ZNF573: variants seen among roughly 807,000 people sequenced by gnomAD.
ZNF573 encodes the protein zinc finger protein 573.
In ZNF573, 41 loss-of-function variants were observed where a neutral mutation model predicts 57.4. The observed-to-expected ratio is 0.71, with a 90% CI of 0.56 to 0.93. The LOEUF is 0.93. Ranked by LOEUF, ZNF573 falls within the 40% of genes least tolerant of loss-of-function variation. ZNF573 has a pLI of 0.00. For missense variants in ZNF573, 730 were observed against 794.8 expected (o/e 0.92, Z 0.98); for synonymous variants, 249 against 261.0 (o/e 0.95, Z 0.44).
In ZNF573 at chr19:37,738,347, G is replaced by T; in HGVS notation, c.*145C>A. ...TCAGATATTCCATTAAAACAGGACT[G>T]ACATTGAATGCTTTCTAATGTGGCA... is the stretch of plus-strand genomic sequence containing the variant. On this transcript the variant is annotated 3_prime_UTR_variant, in exon 5 of 5. Coordinates refer to ENST00000536220, the MANE Select transcript of ZNF573 (RefSeq NM_001172690.2). 7.5e-6 allele frequency: 5 copies of T among 668,204 alleles called. No individual in the cohort carries two copies. The highest frequency in any genetic ancestry group is 1.1e-5 in the Non-Finnish European group (5 of 450,842). The allele number at this position is 668,204 out of a possible 1,614,324, so 41.4% of individuals were successfully genotyped here. A position where few individuals can be genotyped will look rare whatever the true frequency, so the allele number is the denominator to read the frequency against.
Position 37,739,279 on chromosome 19 carries a change from T to C in ZNF573, c.1211A>G (p.His404Arg), listed in dbSNP as rs2045297487. Residue 404 changes from histidine to arginine, a missense_variant, in exon 5 of 5, where the codon CAT becomes CGT. Transcript: ENST00000536220. ...TTTCTCGCCAGTATGAGTTTTCTGA[T>C]GTTGAAAGAGTTTTGAACCAGTAGT... ...TYTTGSKLFQ[H>R]QKTHTGEKPY... The C allele has an allele frequency of 4.3e-6, 7 of 1,614,000 alleles. No homozygotes were observed. In the East Asian group the frequency reaches 1.6e-4, roughly 36 times the overall value.
At chr19:37,751,611 A>G (rs977640686) in intron 4 of ZNF573, among the ~76,000 whole-genome samples, 2 of 111,198 alleles carry the variant, frequency 1.8e-5, no homozygotes, top group African/African-American at 7.1e-5. Flanking sequence ...TATACTGTGT[A>G]TATATACAGT....
chr19:37,738,496 A>G lies in ZNF573; in HGVS notation c.1994T>C (p.Val665Ala), dbSNP rs1165526489. ...GCGCTCGTACTCTTTACGGTCTTAC[A>G]CTTTTATGCTCCTATGAATTCTCTG... is the stretch of plus-strand genomic sequence containing the variant. ...AHQRIHRSIK[V>A] The change falls in exon 5 of 5, where the codon GTG (valine) becomes GCG (alanine). Residue 665 changes from valine (V) to alanine (A), a missense_variant. Physicochemically the swap from Val to Ala is moderately conservative, Grantham distance 64. Coordinates refer to ENST00000536220, the MANE Select transcript of ZNF573 (RefSeq NM_001172690.2). 2.6e-6 allele frequency: 4 copies of G among 1,528,052 alleles called. No individual in the cohort carries two copies. Among genetic ancestry groups the G allele is most frequent in the Non-Finnish European group, 3.5e-6 (4 of 1,141,974 alleles). The allele number at this position is 1,528,052 out of a possible 1,614,324, so 94.7% of individuals were successfully genotyped here. A position where few individuals can be genotyped will look rare whatever the true frequency, so the allele number is the denominator to read the frequency against.
intron 4 of ZNF573, among the ~76,000 whole-genome samples, chr19:37,757,121 A>G (rs1326614357): frequency 1.3e-5 from 2 of 151,932 alleles, no homozygotes; most frequent in Non-Finnish European, 2.9e-5. Flanking sequence ...TCTTAAGGCC[A>G]ATTGCTTACT....
At chr19:37,759,621 G>A (rs953374231) in intron 4 of ZNF573, among the ~76,000 whole-genome samples, 5 of 152,134 alleles carry the variant, frequency 3.3e-5, no homozygotes, top group East Asian at 1.9e-4. Flanking sequence ...CCAGCTACTC[G>A]GGAGGCTGAG....
chr19:37,755,793 G>A (rs2045481811), intron 4 of ZNF573, among the ~76,000 whole-genome samples: 2 of 147,314 alleles, frequency 1.4e-5, no homozygotes, highest in African/African-American at 5.0e-5. Flanking sequence ...ATGATTTACT[G>A]TATTTAGAAA....
In ZNF573 at chr19:37,738,334, T is replaced by A; in HGVS notation, c.*158A>T. 1.5e-6 allele frequency: 1 copy of A among 650,796 alleles called. No individual in the cohort carries two copies. The highest frequency in any genetic ancestry group is 2.3e-6 in the Non-Finnish European group (1 of 433,688). The allele number at this position is 650,796 out of a possible 1,614,324, so 40.3% of individuals were successfully genotyped here. On this transcript the variant is annotated 3_prime_UTR_variant, in exon 5 of 5. Coordinates refer to ENST00000536220, the MANE Select transcript of ZNF573 (RefSeq NM_001172690.2). ...TACCATTGAATAGTCAGATATTCCA[T>A]TAAAACAGGACTGACATTGAATGCT... is the stretch of plus-strand genomic sequence containing the variant.
intron 4 of ZNF573, among the ~76,000 whole-genome samples, chr19:37,744,491 A>C (rs2045359250): frequency 6.6e-6 from 1 of 152,134 alleles, no homozygotes; most frequent in Non-Finnish European, 1.5e-5. Context: ...TAATCCCAGC[A>C]CTTTGGGAAG....
chr19:37,764,839 G>A (rs1205337056), intron 4 of ZNF573, among the ~76,000 whole-genome samples: 5 of 151,216 alleles, frequency 3.3e-5, no homozygotes, highest in African/African-American at 4.9e-5. Flanking sequence ...TCCTGACCTC[G>A]TGATCCGTCT....
At chr19:37,759,858 G>C (rs1320091397) in intron 4 of ZNF573, among the ~76,000 whole-genome samples, 1 of 152,152 alleles carries the variant, frequency 6.6e-6, no homozygotes, top group African/African-American at 2.4e-5. Flanking sequence ...ACTCGTCTTT[G>C]TTCATTTTCA....
At chr19:37,760,043 A>G (rs1358570433) in intron 4 of ZNF573, among the ~76,000 whole-genome samples, 1 of 152,238 alleles carries the variant, frequency 6.6e-6, no homozygotes, top group Admixed American at 6.5e-5. Context: ...TAAGATTTGT[A>G]TAAAGCATGT....
chr19:37,746,959 G>T (rs1007319515), intron 4 of ZNF573, among the ~76,000 whole-genome samples: 1 of 152,126 alleles, frequency 6.6e-6, no homozygotes, highest in East Asian at 1.9e-4. Flanking sequence ...CCAGGACCAC[G>T]GGAGGGAGAA....
chr19:37,778,045 A>AAAAAAG (rs71177476), intron 1 of ZNF573, among the ~76,000 whole-genome samples: 1 of 138,138 alleles, frequency 7.2e-6, no homozygotes, highest in Non-Finnish European at 1.6e-5. Context: ...AAAAAAAAAA[A>AAAAAAG]GTAATATTTA....
Position 37,739,142 on chromosome 19 carries a change from T to A in ZNF573, c.1348A>T (p.Thr450Ser), listed in dbSNP as rs139662850. Residue 450 changes from threonine (T) to serine (S), a missense_variant, in exon 5 of 5, where the codon ACC becomes TCC. By Grantham distance (58) the Thr-to-Ser change is moderately conservative. Coordinates refer to ENST00000536220, the MANE Select transcript of ZNF573 (RefSeq NM_001172690.2). ...KHFECKECKK[T>S]FTLYRNLTRH... is the part of the protein sequence containing the mutation. Reference sequence around the variant, plus strand: ...GTAAGATTTCTATACAAAGTAAAGGTTTTTTTACACTCCTTACATTCAAAG... The same window carrying A: ...GTAAGATTTCTATACAAAGTAAAGGATTTTTTACACTCCTTACATTCAAAG... 4 of 1,612,712 alleles carry A rather than the reference T, an allele frequency of 2.5e-6. No individual in the cohort carries two copies. In the African/African-American group the frequency reaches 5.4e-5, roughly 22 times the overall value.
chr19:37,771,606 T>G lies in ZNF573; in HGVS notation c.160A>C (p.Arg54=). Residue 54 remains arginine, a synonymous_variant, in exon 3 of 5, where the codon AGG becomes CGG. Transcript: ENST00000536220. ...YLDPNQRDLY[R]DVMLENYRNL... ...CTATAGTTCTCCAACATCACATCCCTGTATAAGTCCCTCTGATTAGGGTCC... is the reference window on the plus strand; with the variant it reads ...CTATAGTTCTCCAACATCACATCCCGGTATAAGTCCCTCTGATTAGGGTCC... The G allele has an allele frequency of 1.2e-6, 2 of 1,607,212 alleles. No homozygotes were observed. Among genetic ancestry groups the G allele is most frequent in the Non-Finnish European group, 1.7e-6 (2 of 1,177,316 alleles).
intron 2 of ZNF573, among the ~76,000 whole-genome samples, 164 bp from the exon 3 acceptor site, chr19:37,771,860 C>A (rs1219406903): frequency 3.3e-5 from 5 of 152,164 alleles, no homozygotes; most frequent in Admixed American, 2.0e-4. Context: ...CCTATTGCCA[C>A]AGGATCCTAT....
At chr19:37,774,324 A>G (rs1449707485) in intron 1 of ZNF573, among the ~76,000 whole-genome samples, 2 of 151,624 alleles carry the variant, frequency 1.3e-5, no homozygotes, top group Non-Finnish European at 1.5e-5. Flanking sequence ...TATTTTTAGT[A>G]GAGACGGGGT....
chr19:37,753,613 G>A (rs1345040067), intron 4 of ZNF573, among the ~76,000 whole-genome samples: 2 of 151,992 alleles, frequency 1.3e-5, no homozygotes, highest in Non-Finnish European at 2.9e-5. Context: ...CTCCAGAAAA[G>A]TTTCTGGACA....
In ZNF573 at chr19:37,739,411, C is replaced by T. The variant is rs760202182; in HGVS notation, c.1079G>A (p.Cys360Tyr). 1 of 1,614,132 alleles carries T rather than the reference C, an allele frequency of 6.2e-7. No individual in the cohort carries two copies. Among genetic ancestry groups the T allele is most frequent in the Admixed American group, 1.7e-5 (1 of 60,018 alleles). ...AGTAAAGGTTTTCTTACACTCCTTA[C>T]ATTCATAGGGTTTTCCACCTTTATG... ...RIHKGGKPYE[C>Y]KECKKTFTLY... The change falls in exon 5 of 5, where the codon TGT becomes TAT. Residue 360 changes from cysteine to tyrosine, a missense_variant. By Grantham distance (194) the Cys-to-Tyr change is radical. Coordinates refer to ENST00000536220, the MANE Select transcript of ZNF573 (RefSeq NM_001172690.2).
Sources: gnomAD v4.1 joint callset for allele counts (sites outside exome capture counted in the v4.1 genomes callset) on GRCh38, gnomAD v4.1.1 for gene constraint, MANE v1.5 for transcripts, NCBI Gene and HGNC (gene_info 2026-07-23, HGNC 2026-07-21) for gene names.